The following DCAF6 variants were observed in gnomAD, a reference collection of about 807,000 sequenced individuals.
The protein encoded by DCAF6 is DDB1- and CUL4-associated factor 6.
Under a neutral mutation model 125.1 loss-of-function variants are expected in DCAF6, and 54 were observed. That is an observed-to-expected ratio of 0.43 (90% CI 0.35 to 0.54). DCAF6 has a LOEUF of 0.54. DCAF6 is among the 20% of genes least tolerant of loss of function. The pLI is 0.01. For missense variants in DCAF6, 934 were observed against 1,161.7 expected (o/e 0.80, Z 2.85); for synonymous variants, 371 against 390.4 (o/e 0.95, Z 0.58).
At chr1:167,886,758 T>C in the DCAF6 span, among the ~76,000 whole-genome samples, 2 of 152,090 alleles carry the variant, frequency 1.3e-5, no homozygotes, top group Non-Finnish European at 2.9e-5. Flanking sequence ...TGAACAGGCA[T>C]CCTACAGAAT....
chr1:168,021,503 A>G (rs1685665390), intron 11 of DCAF6, among the ~76,000 whole-genome samples: 1 of 152,160 alleles, frequency 6.6e-6, no homozygotes, highest in South Asian at 2.1e-4. Context: ...ATGAGAAGGC[A>G]TCTTAAGAAA....
At chr1:168,010,477 G>A (rs1409928500) in intron 10 of DCAF6, among the ~76,000 whole-genome samples, 2 of 151,582 alleles carry the variant, frequency 1.3e-5, no homozygotes, top group Non-Finnish European at 2.9e-5. Context: ...ATCAGTTGAT[G>A]GATTTTTTTT....
chr1:168,043,035 G>T lies in DCAF6; in HGVS notation c.1738G>T (p.Ala580Ser). The T allele has an allele frequency of 6.2e-7, 1 of 1,609,404 alleles. No homozygotes were observed. The change falls in exon 14 of 22, where the codon GCA becomes TCA. Residue 580 changes from alanine to serine, a missense_variant. Around this residue, in one of 5 missense-constraint regions of DCAF6, gnomAD observed 559 missense variants for 635.5 expected, o/e 0.88. Transcript: ENST00000367840. ...TTGTTTTGATGATAGGAGCAGTATAGCATCAAGTTCTAGAGGAATTGGGAG... is the reference window on the plus strand; with the variant it reads ...TTGTTTTGATGATAGGAGCAGTATATCATCAAGTTCTAGAGGAATTGGGAG... ...LNFTDEWSSIASSSRGIGSHC... is the reference protein window; with the variant it reads ...LNFTDEWSSISSSSRGIGSHC...
the DCAF6 span, among the ~76,000 whole-genome samples, chr1:167,869,493 C>CG: frequency 6.6e-6 from 1 of 152,258 alleles, no homozygotes; most frequent in African/African-American, 2.4e-5. Flanking sequence ...GACAGAGAAG[C>CG]GAAACTAAAG....
chr1:167,987,183 G>A lies in DCAF6; in HGVS notation c.439-312G>A, dbSNP rs368669077. ...ATAAAAATTAAGCTTTGAATAGTTT[G>A]AACAAGCTACCTAGGGGAGAATCAT... is the stretch of plus-strand genomic sequence containing the variant. On this transcript the variant is annotated intron_variant, in intron 4 of 21. Coordinates refer to ENST00000367840, the MANE Select transcript of DCAF6 (RefSeq NM_001198956.2). Among the ~76,000 whole-genome samples, 118 of 152,208 alleles carry A rather than the reference G, an allele frequency of 7.8e-4. 1 individual carries two copies. In the South Asian group the frequency reaches 0.023, roughly 29 times the overall value.
chr1:168,014,112 G>A (rs976713619), intron 10 of DCAF6, among the ~76,000 whole-genome samples: 1 of 152,072 alleles, frequency 6.6e-6, no homozygotes. Context: ...AGCAAGAGTT[G>A]TACAAAGAAT....
At chr1:168,028,032 T>G (rs564343931) in intron 12 of DCAF6, among the ~76,000 whole-genome samples, 1 of 152,306 alleles carries the variant, frequency 6.6e-6, no homozygotes, top group East Asian at 1.9e-4. Flanking sequence ...GTAAACACAT[T>G]GATGGCCTTT....
intron 12 of DCAF6, among the ~76,000 whole-genome samples, chr1:168,028,859 G>A (rs950671986): frequency 6.6e-6 from 1 of 151,940 alleles, no homozygotes; most frequent in Non-Finnish European, 1.5e-5. Flanking sequence ...AGTGATTGAA[G>A]CTTGCTGTAT....
At chr1:167,873,024 C>T in the DCAF6 span, among the ~76,000 whole-genome samples, 1 of 151,456 alleles carries the variant, frequency 6.6e-6, no homozygotes, top group Non-Finnish European at 1.5e-5. Context: ...GAGCTGAGAT[C>T]GCGCCACTGC....
the DCAF6 span, among the ~76,000 whole-genome samples, chr1:167,872,982 A>G: frequency 6.6e-6 from 1 of 151,932 alleles, no homozygotes; most frequent in Admixed American, 6.6e-5. Context: ...AGGCAGAAGA[A>G]TCGCTTGAAC....
the DCAF6 span, among the ~76,000 whole-genome samples, chr1:167,864,605 G>A: frequency 6.6e-6 from 1 of 152,060 alleles, no homozygotes; most frequent in Non-Finnish European, 1.5e-5. Flanking sequence ...GAGGGAGAGA[G>A]AGAGACAGAA....
chr1:167,886,104 T>C, the DCAF6 span, among the ~76,000 whole-genome samples: 1 of 152,114 alleles, frequency 6.6e-6, no homozygotes, highest in African/African-American at 2.4e-5. Flanking sequence ...ATCAATATCA[T>C]GAAAATGGCC....
intron 4 of DCAF6, among the ~76,000 whole-genome samples, chr1:167,980,920 T>TC (rs1384755510): frequency 1.4e-5 from 2 of 148,014 alleles, no homozygotes; most frequent in South Asian, 2.1e-4. Context: ...AATTTTCTTT[T>TC]TTTTTTTTTT....
rs1385995888 is a variant in DCAF6 at position 167,962,986 on chromosome 1, G to T, written c.160-3643G>T. On this transcript the variant is annotated intron_variant, in intron 2 of 21. Transcript: ENST00000367840. ...CAAACAAACAAAAATGTTGCCAGGCGTGGTGGCTCACATCTGTAATCCTAG... is the reference window on the plus strand; with the variant it reads ...CAAACAAACAAAAATGTTGCCAGGCTTGGTGGCTCACATCTGTAATCCTAG... 4.6e-5 allele frequency among the ~76,000 whole-genome samples: 7 copies of T among 152,046 alleles called. No individual in the cohort carries two copies. The South Asian group carries it at 1.5e-3, about 32-fold the overall frequency.
intron 1 of DCAF6, among the ~76,000 whole-genome samples, chr1:167,945,687 A>G (rs186128184): frequency 7.2e-5 from 11 of 152,078 alleles, no homozygotes; most frequent in African/African-American, 2.7e-4. Flanking sequence ...TTTTTAGTAG[A>G]GACAGGGTTT....
chr1:168,008,168 C>T (rs569139327), intron 10 of DCAF6, among the ~76,000 whole-genome samples: 1 of 151,892 alleles, frequency 6.6e-6, no homozygotes, highest in East Asian at 1.9e-4. Flanking sequence ...TGGGGTTCCC[C>T]ATGTTGGTCA....
chr1:168,028,058 A>G (rs745545431), intron 12 of DCAF6, among the ~76,000 whole-genome samples: 1 of 152,168 alleles, frequency 6.6e-6, no homozygotes, highest in Non-Finnish European at 1.5e-5. Flanking sequence ...CTAATTATGC[A>G]TAAAGTGAAA....
the DCAF6 span, among the ~76,000 whole-genome samples, chr1:167,906,121 A>C: frequency 6.6e-6 from 1 of 152,178 alleles, no homozygotes; most frequent in Non-Finnish European, 1.5e-5. Context: ...TAGAGGAAAA[A>C]ATTGAGACAG....
At chr1:167,880,308 A>C in the DCAF6 span, 3 of 1,080,944 alleles carry the variant, frequency 2.8e-6, no homozygotes, top group South Asian at 2.7e-5. Flanking sequence ...GATTTTCTCT[A>C]CCCGTTGGAA....
Sources: allele counts gnomAD v4.1 joint callset (sites outside exome capture counted in the v4.1 genomes callset), GRCh38; gene constraint gnomAD v4.1.1; regional missense constraint gnomAD v4.1.1; transcripts MANE v1.5; gene names NCBI Gene and HGNC (gene_info 2026-07-23, HGNC 2026-07-21).